AGBL1: variants seen among roughly 807,000 people sequenced by gnomAD.
The protein encoded by AGBL1 is cytosolic carboxypeptidase 4.
AGBL1 carries 130 observed loss-of-function variants against 118.9 expected under a neutral mutation model. The ratio of observed to expected loss-of-function variants is 1.09; its 90% CI spans 0.95 to 1.26. The LOEUF (loss-of-function observed/expected upper bound fraction) is 1.26, where lower values mean the gene tolerates loss of function less well. Among genes scored for constraint, AGBL1 ranks in the 50% most tolerant of loss-of-function variants. The pLI is 0.00. For missense variants in AGBL1, 1,584 were observed against 1,298.1 expected (o/e 1.22, Z -3.38); for synonymous variants, 555 against 478.9 (o/e 1.16, Z -2.08).
chr15:86,279,904 C>A, intron 16 of AGBL1, 121 bp downstream of exon 16: 1 of 1,309,786 alleles, frequency 7.6e-7, no homozygotes, highest in Non-Finnish European at 1.1e-6. Flanking sequence ...AGGGGAACTA[C>A]AGCCTTCCTA....
chr15:86,846,211 C>T (rs539701912), intron 22 of AGBL1, among the ~76,000 whole-genome samples: 1 of 152,278 alleles, frequency 6.6e-6, no homozygotes, highest in Admixed American at 6.5e-5. Context: ...TAGAAAAGCA[C>T]TCTCTCAAGC....
At position 86,885,027 on chromosome 15, in the gene AGBL1, A is replaced by G. The variant is rs192028473; in HGVS notation, c.3159-22060A>G. ...GCTACCAGATGATGCTGAAACATCT[A>G]TTTTACAATGCTATTTTTATTTACA... On this transcript the variant is annotated intron_variant, in intron 22 of 22. Transcript: ENST00000614907. Among the ~76,000 whole-genome samples the G allele has an allele frequency of 1.4e-3, 209 of 152,258 alleles. 1 individual carries two copies. The highest frequency in any genetic ancestry group is 4.9e-3 in the African/African-American group (202 of 41,560).
intron 22 of AGBL1, among the ~76,000 whole-genome samples, chr15:86,904,283 C>G (rs1437293950): frequency 6.6e-6 from 1 of 152,034 alleles, no homozygotes; most frequent in East Asian, 1.9e-4. Flanking sequence ...GTCCTGAGGC[C>G]CTGATACGGT....
At position 86,613,606 on chromosome 15, in the gene AGBL1, G is replaced by C. The variant is rs2084685398; in HGVS notation, c.2994+59069G>C. On this transcript the variant is annotated intron_variant, in intron 21 of 22. Transcript: ENST00000614907. The surrounding 1 kb of genome is among the most constrained non-coding windows in gnomAD (Gnocchi z 4.2). ...TGAGCCAGATTTCAGATCACAGAAA[G>C]TAAGTCACGAGTACTTACCAGCTAC... 6.6e-6 allele frequency among the ~76,000 whole-genome samples: 1 copy of C among 152,210 alleles called. No individual in the cohort carries two copies. Among genetic ancestry groups the C allele is most frequent in the South Asian group, 2.1e-4 (1 of 4,830 alleles).
intron 22 of AGBL1, among the ~76,000 whole-genome samples, chr15:86,819,095 G>A (rs2078903344): frequency 6.6e-6 from 1 of 151,984 alleles, no homozygotes; most frequent in African/African-American, 2.4e-5. Flanking sequence ...TATTTCCAAA[G>A]TATAGCCAGC....
intron 23 of AGBL1, among the ~76,000 whole-genome samples, chr15:86,959,764 C>T (rs1405648399): frequency 6.6e-6 from 1 of 152,032 alleles, no homozygotes; most frequent in African/African-American, 2.4e-5. Context: ...AATACCCTTT[C>T]ACAAGACTTA....
At chr15:86,686,426 G>A (rs1193308775) in intron 22 of AGBL1, among the ~76,000 whole-genome samples, 8 of 149,696 alleles carry the variant, frequency 5.3e-5, no homozygotes, top group Admixed American at 3.4e-4. Flanking sequence ...TTTATTGACT[G>A]CTTAGCATAT....
intron 18 of AGBL1, among the ~76,000 whole-genome samples, chr15:86,466,956 C>T (rs2082415691): frequency 6.6e-6 from 1 of 152,220 alleles, no homozygotes. Flanking sequence ...GGATCAGGGA[C>T]CCACTTGAGG....
chr15:86,670,497 G>A (rs1170014535), intron 21 of AGBL1, among the ~76,000 whole-genome samples: 9 of 151,462 alleles, frequency 5.9e-5, no homozygotes, highest in South Asian at 4.2e-4. Context: ...ACAGCTACTC[G>A]GGAGGCTGAG....
intron 22 of AGBL1, among the ~76,000 whole-genome samples, chr15:86,777,197 G>T (rs1056675494): frequency 1.3e-5 from 2 of 151,718 alleles, no homozygotes; most frequent in African/African-American, 2.4e-5. Context: ...TACATGAGGG[G>T]GTTGTTTCTT....
chr15:86,102,191 C>T lies in AGBL1; in HGVS notation c.51+22168C>T, dbSNP rs538464675. On this transcript the variant is annotated intron_variant, in intron 1 of 22. Coordinates refer to ENST00000614907, the MANE Select transcript of AGBL1 (RefSeq NM_001386094.1). ...GAGTAGCTGGGACTACAGAAACGCA[C>T]CAGCATGCCCAGCTTATTTTTGCAT... Among the ~76,000 whole-genome samples, 21 of 152,148 alleles carry T rather than the reference C, an allele frequency of 1.4e-4. No homozygotes were observed. The South Asian group carries it at 4.4e-3, about 32-fold the overall frequency.
Position 86,250,246 on chromosome 15 carries a change from C to A in AGBL1, c.735+2367C>A, listed in dbSNP as rs138903641. ...GTCTTTTAAATAGTGTGCTCTTGGC[C>A]GGGAGTGGTGGCTCATGCCTGTAAT... On this transcript the variant is annotated intron_variant, in intron 7 of 22. Coordinates refer to ENST00000614907, the MANE Select transcript of AGBL1 (RefSeq NM_001386094.1). Among the ~76,000 whole-genome samples, 29 of 151,928 alleles carry A rather than the reference C, an allele frequency of 1.9e-4. No individual in the cohort carries two copies. In the East Asian group the frequency reaches 4.9e-3, roughly 25 times the overall value.
At chr15:86,792,572 T>C (rs1417510002) in intron 22 of AGBL1, among the ~76,000 whole-genome samples, 2 of 152,170 alleles carry the variant, frequency 1.3e-5, no homozygotes, top group Non-Finnish European at 2.9e-5. Context: ...AGTGGTTAAA[T>C]AGACTTTGAA....
At chr15:86,575,873 G>A (rs992630039) in intron 21 of AGBL1, among the ~76,000 whole-genome samples, 9 of 152,132 alleles carry the variant, frequency 5.9e-5, no homozygotes, top group African/African-American at 1.2e-4. Context: ...CTTGGATTAC[G>A]TCTTGAGCCA....
intron 23 of AGBL1, among the ~76,000 whole-genome samples, chr15:86,922,400 CCT>C (rs2080490186): frequency 6.6e-6 from 1 of 152,186 alleles, no homozygotes; most frequent in Non-Finnish European, 1.5e-5. Flanking sequence ...AAGAAATTCT[CCT>C]CTCTCAGCCT....
At chr15:86,555,061 G>T (rs2083713889) in intron 21 of AGBL1, among the ~76,000 whole-genome samples, 1 of 152,132 alleles carries the variant, frequency 6.6e-6, no homozygotes, top group Non-Finnish European at 1.5e-5. Context: ...AGAATGAGTG[G>T]GTTTTGGACT....
intron 22 of AGBL1, among the ~76,000 whole-genome samples, chr15:86,887,874 A>AG (rs962025097): frequency 3.7e-4 from 56 of 152,288 alleles, no homozygotes; most frequent in Non-Finnish European, 6.5e-4. Flanking sequence ...TCCTTGGATA[A>AG]GGGGGTCACT....
At chr15:86,673,677 A>G (rs137875178) in intron 21 of AGBL1, among the ~76,000 whole-genome samples, 55 of 152,310 alleles carry the variant, frequency 3.6e-4, no homozygotes, top group Admixed American at 1.4e-3. Context: ...AGTTTGGTCA[A>G]TTGTTATTAT....
At chr15:86,525,458 G>A (rs1213094671) in intron 19 of AGBL1, among the ~76,000 whole-genome samples, 1 of 151,982 alleles carries the variant, frequency 6.6e-6, no homozygotes, top group Non-Finnish European at 1.5e-5. Context: ...TAATCTGAAG[G>A]CATCACATTA....
Sources: allele counts gnomAD v4.1 joint callset (sites outside exome capture counted in the v4.1 genomes callset), GRCh38; gene constraint gnomAD v4.1.1; non-coding constraint Gnocchi (gnomAD v3.1); transcripts MANE v1.5; gene names NCBI Gene and HGNC (gene_info 2026-07-23, HGNC 2026-07-21).